Variants in GPAM observed in about 807,000 individuals in gnomAD.
GPAM encodes glycerol-3-phosphate acyltransferase 1, mitochondrial.
GPAM carries 56 observed loss-of-function variants against 105.0 expected under a neutral mutation model. That is an observed-to-expected ratio of 0.53 (90% CI 0.43 to 0.67). The LOEUF is 0.67. Among genes scored for constraint, GPAM ranks in the 30% least tolerant of loss-of-function variants. The probability of loss-of-function intolerance (pLI) is 0.00; values close to 1 mark genes in which losing one functional copy is unlikely to be tolerated. For missense variants in GPAM, 855 were observed against 989.8 expected (o/e 0.86, Z 1.83); for synonymous variants, 368 against 354.4 (o/e 1.04, Z -0.43).
At chr10:112,180,847 A>C (rs1006134812) in intron 3 of GPAM, among the ~76,000 whole-genome samples, 2 of 152,230 alleles carry the variant, frequency 1.3e-5, no homozygotes, top group African/African-American at 4.8e-5. Flanking sequence ...AAATTGTAGA[A>C]GGTCAAACAG....
chr10:112,197,289 T>G (rs949554424), intron 1 of GPAM, among the ~76,000 whole-genome samples: 1 of 152,208 alleles, frequency 6.6e-6, no homozygotes, highest in African/African-American at 2.4e-5. Flanking sequence ...AGGTAAACAG[T>G]CTGAATTTTT....
chr10:112,201,737 A>AT (rs200675599), intron 1 of GPAM, among the ~76,000 whole-genome samples: 5,067 of 151,502 alleles, frequency 0.033, 189 homozygotes, highest in African/African-American at 0.095. Flanking sequence ...TAACCTGTTG[A>AT]TTTTTTTTTC....
At chr10:112,191,778 A>G (rs1847661422) in intron 1 of GPAM, among the ~76,000 whole-genome samples, 1 of 152,158 alleles carries the variant, frequency 6.6e-6, no homozygotes, top group African/African-American at 2.4e-5. Context: ...TTGTCCAAGA[A>G]AAGAGTGGAG....
intron 9 of GPAM, among the ~76,000 whole-genome samples, chr10:112,169,851 T>C (rs1384337444): frequency 6.6e-6 from 1 of 152,130 alleles, no homozygotes; most frequent in Non-Finnish European, 1.5e-5. Context: ...TCCTGTCAGA[T>C]CAGCAACAGC....
rs1846955109 is a variant in GPAM at position 112,153,381 on chromosome 10, T to C, written c.*169A>G. On this transcript the variant is annotated 3_prime_UTR_variant, in exon 22 of 22. Transcript: ENST00000348367. Reference sequence around the variant, plus strand: ...GCAGGCTGCTGTGTTGATGCAGAGCTGGGAAGATCACAGATCCATGGAGGG... The same window carrying C: ...GCAGGCTGCTGTGTTGATGCAGAGCCGGGAAGATCACAGATCCATGGAGGG... The C allele has an allele frequency of 6.4e-7, 1 of 1,563,258 alleles. No homozygotes were observed. The highest frequency in any genetic ancestry group is 2.3e-5 in the East Asian group (1 of 43,826).
intron 1 of GPAM, among the ~76,000 whole-genome samples, chr10:112,203,039 G>A (rs989078826): frequency 1.4e-4 from 22 of 152,124 alleles, no homozygotes; most frequent in Admixed American, 1.2e-3. Context: ...GGTGCTTGAC[G>A]GTGTGTAAGC....
rs192198678 is a variant in GPAM at position 112,150,724 on chromosome 10, A to G, written c.*2826T>C. 5.8e-5 allele frequency: 57 copies of G among 981,222 alleles called. No homozygotes were observed. The East Asian group carries it at 5.2e-3, about 90-fold the overall frequency. 60.8% of individuals were successfully genotyped at this position (981,222 alleles called of 1,614,324 possible). The stretch of plus-strand genomic sequence containing the variant: ...CCAAGCCCTTACTGCGCTAAAGTGC[A>G]TTGTAAGTTTCCAGGTGCAAACTTG... On this transcript the variant is annotated 3_prime_UTR_variant, in exon 22 of 22. Transcript: ENST00000348367.
intron 1 of GPAM, among the ~76,000 whole-genome samples, chr10:112,199,978 T>A (rs967160538): frequency 3.3e-5 from 5 of 151,878 alleles, no homozygotes; most frequent in African/African-American, 1.2e-4. Flanking sequence ...AAACATCACA[T>A]TGTACACCAT....
Position 112,150,830 on chromosome 10 carries a change from T to C in GPAM, c.*2720A>G, listed in dbSNP as rs1846902810. On this transcript the variant is annotated 3_prime_UTR_variant, in exon 22 of 22. Transcript: ENST00000348367. The stretch of plus-strand genomic sequence containing the variant: ...ATATTACATGGAGTGCTATGGGAAA[T>C]GCTTTTCCCCATCCAGGTTACTGGC... 1 of 982,758 alleles carries C rather than the reference T, an allele frequency of 1.0e-6. No individual in the cohort carries two copies. Among genetic ancestry groups the C allele is most frequent in the East Asian group, 1.1e-4 (1 of 8,814 alleles). The allele number at this position is 982,758 out of a possible 1,614,324, so 60.9% of individuals were successfully genotyped here.
At chr10:112,212,893 G>T (rs1847927939) in intron 1 of GPAM, among the ~76,000 whole-genome samples, 1 of 152,208 alleles carries the variant, frequency 6.6e-6, no homozygotes, top group Admixed American at 6.5e-5. Context: ...TTACTTCAAG[G>T]CTGGAAAAAC....
chr10:112,218,828 G>T (rs1191534413), upstream of GPAM, among the ~76,000 whole-genome samples: 2 of 152,158 alleles, frequency 1.3e-5, no homozygotes, highest in Non-Finnish European at 2.9e-5. Flanking sequence ...AAACTGTCAT[G>T]GTGCACGTGG....
intron 17 of GPAM, among the ~76,000 whole-genome samples, 154 bp from the exon 18 acceptor site, chr10:112,158,547 C>T (rs964394249): frequency 1.3e-5 from 2 of 152,144 alleles, no homozygotes; most frequent in African/African-American, 4.8e-5. Flanking sequence ...TGCCCACTGT[C>T]TTGATACACA....
In GPAM at chr10:112,151,291, C is replaced by G; in HGVS notation, c.*2259G>C. 1 of 985,578 alleles carries G rather than the reference C, an allele frequency of 1.0e-6. No individual in the cohort carries two copies. Among genetic ancestry groups the G allele is most frequent in the Non-Finnish European group, 1.2e-6 (1 of 829,780 alleles). The allele number at this position is 985,578 out of a possible 1,614,324, so 61.1% of individuals were successfully genotyped here. A position where few individuals can be genotyped will look rare whatever the true frequency, so the allele number is the denominator to read the frequency against. On this transcript the variant is annotated 3_prime_UTR_variant, in exon 22 of 22. Coordinates refer to ENST00000348367, the MANE Select transcript of GPAM (RefSeq NM_001244949.2). Reference sequence around the variant, plus strand: ...GAATGTATCTTTTAGCAAAACGGTGCTATCTGGAAGCTTCATTGTGAAGAT... The same window carrying G: ...GAATGTATCTTTTAGCAAAACGGTGGTATCTGGAAGCTTCATTGTGAAGAT...
At chr10:112,177,820 T>G (rs1847434307) in intron 5 of GPAM, among the ~76,000 whole-genome samples, 164 bp downstream of exon 5, 1 of 152,226 alleles carries the variant, frequency 6.6e-6, no homozygotes, top group Non-Finnish European at 1.5e-5. Flanking sequence ...TAGTTCTCTC[T>G]GTGGCTATAC....
chr10:112,204,436 A>G (rs892302238), intron 1 of GPAM, among the ~76,000 whole-genome samples: 1 of 151,802 alleles, frequency 6.6e-6, no homozygotes, highest in Non-Finnish European at 1.5e-5. Context: ...GAAGAAGAGT[A>G]GGTTGTAAAG....
In GPAM at chr10:112,155,751, G is replaced by A. The variant is rs535540316; in HGVS notation, c.2311+113C>T. 6.3e-5 allele frequency: 42 copies of A among 662,524 alleles called. No individual in the cohort carries two copies. The Middle Eastern group carries it at 1.6e-3, about 26-fold the overall frequency. 41.0% of individuals were successfully genotyped at this position (662,524 alleles called of 1,614,324 possible). A position where few individuals can be genotyped will look rare whatever the true frequency, so the allele number is the denominator to read the frequency against. On this transcript the variant is annotated intron_variant, in intron 20 of 21. Coordinates refer to ENST00000348367, the MANE Select transcript of GPAM (RefSeq NM_001244949.2). Reference sequence around the variant, plus strand: ...AAAGAAGATAATAGTAATACTCTACGGTGTTAGAGGTCAGGATAAGTTTGC... The same window carrying A: ...AAAGAAGATAATAGTAATACTCTACAGTGTTAGAGGTCAGGATAAGTTTGC...
chr10:112,159,790 A>G, intron 17 of GPAM, 121 bp downstream of exon 17: 2 of 961,236 alleles, frequency 2.1e-6, no homozygotes, highest in Admixed American at 3.6e-5. Context: ...GAAATCCAGG[A>G]GTGGAATATA....
In GPAM at chr10:112,173,713, T is replaced by C. The variant is rs765054083; in HGVS notation, c.546A>G (p.Ser182=). The C allele has an allele frequency of 5.5e-5, 89 of 1,613,790 alleles. 2 individuals are homozygous for C. The East Asian group carries it at 2.0e-3, about 36-fold the overall frequency. Residue 182 remains serine (S), a synonymous_variant, in exon 7 of 22, where the codon TCA becomes TCG. Coordinates refer to ENST00000348367, the MANE Select transcript of GPAM (RefSeq NM_001244949.2). ...CCTTTTAATACCTGATCATTGCCGGTGAGACAGTGGCAACCATTTCTTGAA... is the reference window on the plus strand; with the variant it reads ...CCTTTTAATACCTGATCATTGCCGGCGAGACAGTGGCAACCATTTCTTGAA... The part of the protein sequence containing the change: ...RILQEMVATV[S]PAMIRLTGWV...
intron 20 of GPAM, chr10:112,154,910 A>G (rs1846987790): frequency 3.3e-6 from 2 of 597,238 alleles, no homozygotes; most frequent in Admixed American, 5.6e-5. Context: ...TGAGGTAAAT[A>G]AGAAAGGGAA....
Sources: allele counts gnomAD v4.1 joint callset (sites outside exome capture counted in the v4.1 genomes callset), GRCh38; gene constraint gnomAD v4.1.1; transcripts MANE v1.5; gene names NCBI Gene and HGNC (gene_info 2026-07-23, HGNC 2026-07-21).